GALNT10: variants seen among roughly 807,000 people sequenced by gnomAD.
The protein encoded by GALNT10 is GalNAc transferase 10.
Under a neutral mutation model 75.0 loss-of-function variants are expected in GALNT10, and 41 were observed. The observed-to-expected ratio is 0.55, with a 90% CI of 0.43 to 0.71. GALNT10 has a LOEUF of 0.71. GALNT10 is among the 30% of genes least tolerant of loss of function. GALNT10 has a pLI of 0.00. For synonymous variants in GALNT10, 302 were observed against 313.0 expected (o/e 0.96, Z 0.37); for missense variants, 727 against 818.5 (o/e 0.89, Z 1.36).
chr5:154,271,438 C>T (rs1753864674), intron 1 of GALNT10, among the ~76,000 whole-genome samples: 2 of 151,988 alleles, frequency 1.3e-5, no homozygotes, highest in South Asian at 4.2e-4. Context: ...TGCACTCCAG[C>T]CTGGGCAACA....
At chr5:154,309,899 A>G (rs772544278) in intron 3 of GALNT10, among the ~76,000 whole-genome samples, 4 of 152,168 alleles carry the variant, frequency 2.6e-5, no homozygotes, top group African/African-American at 4.8e-5. Context: ...CTGTGTTTTT[A>G]TTGTGGTTTT....
At chr5:154,249,181 G>A (rs1753477329) in intron 1 of GALNT10, among the ~76,000 whole-genome samples, 1 of 152,180 alleles carries the variant, frequency 6.6e-6, no homozygotes, top group African/African-American at 2.4e-5. Context: ...GTCTTGACGT[G>A]CATTTGTTCA....
chr5:154,231,223 A>G (rs1160781565), intron 1 of GALNT10, among the ~76,000 whole-genome samples: 1 of 152,240 alleles, frequency 6.6e-6, no homozygotes, highest in East Asian at 1.9e-4. Context: ...TCCTGAGTGG[A>G]CATCTTTCCA....
intron 1 of GALNT10, among the ~76,000 whole-genome samples, chr5:154,204,946 C>T (rs1056690718): frequency 2.0e-5 from 3 of 152,200 alleles, no homozygotes; most frequent in Admixed American, 6.5e-5. Flanking sequence ...TGGCACATGG[C>T]AGGTGCTCAA....
intron 1 of GALNT10, among the ~76,000 whole-genome samples, chr5:154,194,475 G>A (rs1774905298): frequency 6.6e-6 from 1 of 152,148 alleles, no homozygotes; most frequent in Non-Finnish European, 1.5e-5. Flanking sequence ...CACTAGGGAA[G>A]GGTTGTTGAT....
intron 4 of GALNT10, among the ~76,000 whole-genome samples, chr5:154,358,510 T>G (rs1464336192): frequency 6.6e-6 from 1 of 152,200 alleles, no homozygotes; most frequent in Non-Finnish European, 1.5e-5. Context: ...TTTAAGTAAC[T>G]TAGCAGAGCT....
At chr5:154,196,390 A>G (rs1184529236) in intron 1 of GALNT10, among the ~76,000 whole-genome samples, 2 of 152,214 alleles carry the variant, frequency 1.3e-5, no homozygotes, top group Non-Finnish European at 2.9e-5. Context: ...ATCAGTTGCA[A>G]GTAACAAAAC....
chr5:154,390,232 T>C (rs1441405761), intron 7 of GALNT10, among the ~76,000 whole-genome samples: 1 of 152,198 alleles, frequency 6.6e-6, no homozygotes, highest in East Asian at 1.9e-4. Flanking sequence ...TCTGGAAAAA[T>C]GTTTTAAAGG....
At chr5:154,415,725 G>A in intron 10 of GALNT10, 58 bp from the exon 11 acceptor site, 1 of 1,485,062 alleles carries the variant, frequency 6.7e-7, no homozygotes, top group Non-Finnish European at 9.2e-7. Flanking sequence ...AAAAAAAATG[G>A]AGAAAAAAAG....
chr5:154,289,571 T>C (rs910531582), intron 1 of GALNT10, among the ~76,000 whole-genome samples: 5 of 152,188 alleles, frequency 3.3e-5, no homozygotes, highest in Non-Finnish European at 5.9e-5. Context: ...AGCTGTAGGA[T>C]TTAGGGCAAG....
At chr5:154,222,992 A>G (rs537100858) in intron 1 of GALNT10, among the ~76,000 whole-genome samples, 51 of 152,356 alleles carry the variant, frequency 3.3e-4, no homozygotes, top group African/African-American at 1.1e-3. Context: ...TAACAAATGT[A>G]GTAAACCTTA....
At chr5:154,383,964 A>T (rs1391873942) in intron 6 of GALNT10, among the ~76,000 whole-genome samples, 4 of 152,190 alleles carry the variant, frequency 2.6e-5, no homozygotes, top group Non-Finnish European at 2.9e-5. Context: ...AGGCCTCAAG[A>T]AACTTACAGT....
intron 1 of GALNT10, among the ~76,000 whole-genome samples, chr5:154,294,075 C>G (rs756796265): frequency 6.6e-6 from 1 of 152,172 alleles, no homozygotes; most frequent in African/African-American, 2.4e-5. Flanking sequence ...CATGGTGGCT[C>G]ATGCCTGTAA....
At chr5:154,191,049 C>A in intron 1 of GALNT10, 24 bp downstream of exon 1, 1 of 1,376,788 alleles carries the variant, frequency 7.3e-7, no homozygotes, top group Admixed American at 2.7e-5. Context: ...TTGCTACAGG[C>A]CGGGAACACC....
chr5:154,287,518 G>T (rs985114634), intron 1 of GALNT10: 3 of 151,992 alleles, frequency 2.0e-5, no homozygotes, highest in Admixed American at 1.3e-4. Context: ...GTCCCAGGTA[G>T]AATTTAATTT....
chr5:154,394,048 G>A (rs1755964317), intron 7 of GALNT10, among the ~76,000 whole-genome samples: 2 of 152,144 alleles, frequency 1.3e-5, no homozygotes, highest in Admixed American at 1.3e-4. Flanking sequence ...GCAGAGGTGG[G>A]CCCCACCGTC....
At chr5:154,350,971 T>C (rs925962201) in intron 4 of GALNT10, among the ~76,000 whole-genome samples, 3 of 152,234 alleles carry the variant, frequency 2.0e-5, no homozygotes, top group African/African-American at 7.2e-5. Flanking sequence ...CAAGTCTGGC[T>C]GAGAACTTGC....
intron 3 of GALNT10, among the ~76,000 whole-genome samples, chr5:154,300,633 G>A (rs1754344943): frequency 6.6e-6 from 1 of 152,148 alleles, no homozygotes; most frequent in African/African-American, 2.4e-5. Flanking sequence ...TATATATGTA[G>A]GTCTTCTATG....
intron 1 of GALNT10, among the ~76,000 whole-genome samples, chr5:154,278,820 G>A (rs951573983): frequency 6.6e-6 from 1 of 152,168 alleles, no homozygotes; most frequent in African/African-American, 2.4e-5. Context: ...TGTCAGGCTT[G>A]TTTCACTAAG....
Sources: allele counts gnomAD v4.1 joint callset (sites outside exome capture counted in the v4.1 genomes callset), GRCh38; gene constraint gnomAD v4.1.1; transcripts MANE v1.5; gene names NCBI Gene and HGNC (gene_info 2026-07-23, HGNC 2026-07-21).